The following ABCB5 variants were observed in gnomAD, a reference collection of about 807,000 sequenced individuals.
ABCB5 encodes ATP binding cassette subfamily B member 5, also known as ATP-binding cassette sub-family B member 5.
ABCB5 carries 155 observed loss-of-function variants against 144.2 expected under a neutral mutation model. That is an observed-to-expected ratio of 1.08 (90% CI 0.94 to 1.23). ABCB5 has a LOEUF of 1.23. ABCB5 is among the 50% of genes most tolerant of loss of function. ABCB5 has a pLI of 0.00. For synonymous variants in ABCB5, 610 were observed against 528.6 expected (o/e 1.15, Z -2.11); for missense variants, 1,830 against 1,520.8 (o/e 1.20, Z -3.38).
At chr7:20,655,732 G>A (rs973383052) in intron 13 of ABCB5, among the ~76,000 whole-genome samples, 3 of 152,148 alleles carry the variant, frequency 2.0e-5, no homozygotes, top group African/African-American at 7.2e-5. Context: ...TTCTCTCCAA[G>A]TTGATATATA....
At chr7:20,639,084 C>G (rs1784228798) in intron 5 of ABCB5, among the ~76,000 whole-genome samples, 1 of 151,136 alleles carries the variant, frequency 6.6e-6, no homozygotes, top group Non-Finnish European at 1.5e-5. Flanking sequence ...TATAATATGA[C>G]TTTAACTTGC....
intron 19 of ABCB5, among the ~76,000 whole-genome samples, chr7:20,704,453 A>G (rs1357211305): frequency 1.3e-5 from 2 of 152,186 alleles, no homozygotes; most frequent in Non-Finnish European, 2.9e-5. Context: ...ATGGTTGAAA[A>G]TGACCATTTT....
chr7:20,647,793 A>C, intron 10 of ABCB5, 145 bp downstream of exon 10: 8 of 1,329,190 alleles, frequency 6.0e-6, no homozygotes, highest in Non-Finnish European at 2.1e-6. Context: ...ACTGCCTTTA[A>C]TTCTTTTCTA....
rs10243073 is a variant in ABCB5 at position 20,720,423 on chromosome 7, G to A, written c.2422-2593G>A. Among the ~76,000 whole-genome samples, 1,490 of 152,238 alleles carry A rather than the reference G, an allele frequency of 9.8e-3. 14 individuals carry two copies. Among genetic ancestry groups the A allele is most frequent in the Middle Eastern group, 0.034 (10 of 294 alleles). On this transcript the variant is annotated intron_variant, in intron 20 of 27. Transcript: ENST00000404938. Reference sequence around the variant, plus strand: ...GAACAACTTCATAGCGGAGAAACCTGGAAGAAACCATCTTAATTAATTATT... The same window carrying A: ...GAACAACTTCATAGCGGAGAAACCTAGAAGAAACCATCTTAATTAATTATT...
chr7:20,669,042 C>T (rs1462099375), intron 14 of ABCB5, among the ~76,000 whole-genome samples: 3 of 138,026 alleles, frequency 2.2e-5, no homozygotes, highest in South Asian at 5.1e-4. Context: ...TGCCCGGCCG[C>T]CCCTACTGGG....
intron 5 of ABCB5, among the ~76,000 whole-genome samples, chr7:20,635,702 T>C (rs1202133262): frequency 6.6e-6 from 1 of 152,148 alleles, no homozygotes; most frequent in Non-Finnish European, 1.5e-5. Flanking sequence ...ATTCTCATTT[T>C]GATCATTATT....
chr7:20,708,647 T>C (rs1198406438), intron 20 of ABCB5, among the ~76,000 whole-genome samples: 1 of 152,176 alleles, frequency 6.6e-6, no homozygotes, highest in African/African-American at 2.4e-5. Context: ...ATGGTTACGT[T>C]TACAAGAGCA....
At chr7:20,616,350 C>G (rs1259159249) in intron 1 of ABCB5, among the ~76,000 whole-genome samples, 1 of 152,120 alleles carries the variant, frequency 6.6e-6, no homozygotes, top group South Asian at 2.1e-4. Context: ...CTTCTTTCAT[C>G]TAACCAAAGA....
chr7:20,625,791 T>C (rs1783895654), intron 2 of ABCB5, among the ~76,000 whole-genome samples: 2 of 152,344 alleles, frequency 1.3e-5, no homozygotes, highest in Admixed American at 6.5e-5. Flanking sequence ...GCAATTCTAC[T>C]TCCGGGTATA....
intron 14 of ABCB5, among the ~76,000 whole-genome samples, chr7:20,671,064 C>G (rs1175248781): frequency 6.6e-6 from 1 of 152,186 alleles, no homozygotes; most frequent in Non-Finnish European, 1.5e-5. Context: ...TAACTCTCTT[C>G]TACTGTAGAG....
At chr7:20,717,646 T>A (rs1279185184) in intron 20 of ABCB5, among the ~76,000 whole-genome samples, 8 of 151,554 alleles carry the variant, frequency 5.3e-5, no homozygotes, top group Non-Finnish European at 5.9e-5. Flanking sequence ...ACCATGTTGA[T>A]AAGGCTGGTC....
intron 26 of ABCB5, among the ~76,000 whole-genome samples, chr7:20,752,094 C>T (rs1324933539): frequency 6.6e-6 from 1 of 152,182 alleles, no homozygotes; most frequent in African/African-American, 2.4e-5. Context: ...AGGCAATTCC[C>T]TCAAGCTTCT....
At chr7:20,642,837 A>G (rs1784322865) in intron 5 of ABCB5, among the ~76,000 whole-genome samples, 1 of 152,146 alleles carries the variant, frequency 6.6e-6, no homozygotes, top group Non-Finnish European at 1.5e-5. Flanking sequence ...AATGCTTTTG[A>G]CTGCTATCAT....
At chr7:20,636,920 G>A (rs1441570845) in intron 5 of ABCB5, among the ~76,000 whole-genome samples, 1 of 151,836 alleles carries the variant, frequency 6.6e-6, no homozygotes, top group Non-Finnish European at 1.5e-5. Context: ...AGACTCTTCA[G>A]TCAAATTGGT....
chr7:20,743,097 C>A (rs762013102), intron 25 of ABCB5, 23 bp downstream of exon 25: 2 of 1,610,408 alleles, frequency 1.2e-6, no homozygotes, highest in Non-Finnish European at 1.7e-6. Flanking sequence ...TGAAACACAC[C>A]TAATCTGGGG....
At chr7:20,709,879 C>T (rs1786954158) in intron 20 of ABCB5, among the ~76,000 whole-genome samples, 1 of 145,102 alleles carries the variant, frequency 6.9e-6, no homozygotes, top group South Asian at 2.3e-4. Flanking sequence ...TGTTAGACAC[C>T]AGGCTGCCAA....
At chr7:20,640,787 G>C (rs940679793) in intron 5 of ABCB5, among the ~76,000 whole-genome samples, 1 of 152,142 alleles carries the variant, frequency 6.6e-6, no homozygotes, top group African/African-American at 2.4e-5. Flanking sequence ...GCAAATACAG[G>C]ATTTTCAAAT....
intron 23 of ABCB5, among the ~76,000 whole-genome samples, chr7:20,737,560 A>T (rs1782426716): frequency 6.6e-6 from 1 of 152,176 alleles, no homozygotes; most frequent in Non-Finnish European, 1.5e-5. Flanking sequence ...TAGAGATTTT[A>T]GCATATCTCA....
At chr7:20,743,362 T>A (rs1782621507) in intron 25 of ABCB5, among the ~76,000 whole-genome samples, 1 of 152,050 alleles carries the variant, frequency 6.6e-6, no homozygotes, top group South Asian at 2.1e-4. Flanking sequence ...GTGCTGGAGA[T>A]CTGGTCTAAT....
Sources: gnomAD v4.1 joint callset for allele counts (sites outside exome capture counted in the v4.1 genomes callset) on GRCh38, gnomAD v4.1.1 for gene constraint, MANE v1.5 for transcripts, NCBI Gene and HGNC (gene_info 2026-07-23, HGNC 2026-07-21) for gene names.